The following PRUNE2 variants were observed in gnomAD, a reference collection of about 807,000 sequenced individuals.
The protein encoded by PRUNE2 is prune homolog 2 with BCH domain.
In PRUNE2, 164 loss-of-function variants were observed where a neutral mutation model predicts 252.0. That is an observed-to-expected ratio of 0.65 (90% confidence interval 0.57 to 0.74). The LOEUF (loss-of-function observed/expected upper bound fraction) is 0.74, where lower values mean the gene tolerates loss of function less well. PRUNE2 is among the 30% of genes least tolerant of loss of function. The pLI, the probability that PRUNE2 is intolerant of heterozygous loss-of-function variation, is 0.00. For missense variants in PRUNE2, 3,495 were observed against 3,711.0 expected, an observed-to-expected ratio of 0.94 and a Z score of 1.51; for synonymous variants, 1,292 against 1,350.2, an observed-to-expected ratio of 0.96 and a Z score of 0.94.
intron 4 of PRUNE2, among the ~76,000 whole-genome samples, chr9:76,831,565 G>A (rs2058678548): frequency 6.6e-6 from 1 of 151,964 alleles, no homozygotes. Flanking sequence ...GAGAGAAGCT[G>A]TTTTAGGTTC....
chr9:76,731,034 G>A (rs914026012), intron 6 of PRUNE2, among the ~76,000 whole-genome samples: 4 of 152,144 alleles, frequency 2.6e-5, no homozygotes, highest in African/African-American at 9.7e-5. Flanking sequence ...ATCTCAATAT[G>A]ATAGAGGAAA....
At position 76,710,808 on chromosome 9, in the gene PRUNE2, T is replaced by C. The variant is rs753459611; in HGVS notation, c.1466A>G (p.Glu489Gly). The change falls in exon 8 of 19, where the codon GAG becomes GGG. Residue 489 changes from glutamate to glycine, a missense_variant. Physicochemically the swap from Glu to Gly is moderately conservative, Grantham distance 98. Coordinates refer to ENST00000376718, the MANE Select transcript of PRUNE2 (RefSeq NM_015225.3). ...EEHAWSGEHG[E>G]HFDLFNFDPA... ...GTCAAAATTGAAGAGGTCGAAGTGC[T>C]CACCGTGTTCTCCAGACCATGCATG... 6.4e-7 allele frequency: 1 copy of C among 1,574,468 alleles called. No individual in the cohort carries two copies. Among genetic ancestry groups the C allele is most frequent in the East Asian group, 2.2e-5 (1 of 44,634 alleles).
chr9:76,781,933 G>A (rs890972187), intron 6 of PRUNE2, among the ~76,000 whole-genome samples: 6 of 151,924 alleles, frequency 3.9e-5, no homozygotes, highest in Admixed American at 6.6e-5. Flanking sequence ...GGGAAAGCCT[G>A]GCCGGGCGCG....
At chr9:76,665,107 C>T (rs553225098) in intron 9 of PRUNE2, among the ~76,000 whole-genome samples, 21 of 152,226 alleles carry the variant, frequency 1.4e-4, no homozygotes, top group African/African-American at 4.8e-4. Flanking sequence ...TAACTAATAT[C>T]CTTCTTCATC....
intron 6 of PRUNE2, among the ~76,000 whole-genome samples, chr9:76,755,988 C>T (rs1452648040): frequency 6.6e-6 from 1 of 152,182 alleles, no homozygotes; most frequent in Non-Finnish European, 1.5e-5. Flanking sequence ...TAGGCGTGAG[C>T]CACCGCGCCT....
intron 1 of PRUNE2, among the ~76,000 whole-genome samples, chr9:76,897,252 C>T (rs986812691): frequency 6.6e-6 from 1 of 152,008 alleles, no homozygotes. Context: ...TTTAATTTAA[C>T]AAGAATGAAA....
rs1280140952 is a variant in PRUNE2 at position 76,829,751 on chromosome 9, GT to G, written c.509-3020del. On this transcript the variant is annotated intron_variant, in intron 4 of 18. Coordinates refer to ENST00000376718, the MANE Select transcript of PRUNE2 (RefSeq NM_015225.3). Reference sequence around the variant, plus strand: ...CTTAAGCAGAGAATAGTTTTGTTTTGTTTTTTTTTTTTTAATCTGCCACTCT... The same window carrying G: ...CTTAAGCAGAGAATAGTTTTGTTTTGTTTTTTTTTTTTAATCTGCCACTCT... 4.5e-3 allele frequency among the ~76,000 whole-genome samples: 641 copies of G among 141,706 alleles called. 13 individuals carry two copies. Among genetic ancestry groups the G allele is most frequent in the Admixed American group, 0.025 (355 of 14,086 alleles). 93.0% of individuals were successfully genotyped at this position (141,706 alleles called of 152,430 possible). A position where few individuals can be genotyped will look rare whatever the true frequency, so the allele number is the denominator to read the frequency against.
At chr9:76,897,400 T>A (rs779158679) in intron 1 of PRUNE2, among the ~76,000 whole-genome samples, 7,482 of 93,568 alleles carry the variant, frequency 0.08, 667 homozygotes, top group South Asian at 0.19. Flanking sequence ...CTTTTTTTTT[T>A]TTTTTTTTTT....
chr9:76,680,228 G>A (rs2043271830), intron 9 of PRUNE2, among the ~76,000 whole-genome samples: 1 of 152,180 alleles, frequency 6.6e-6, no homozygotes, highest in African/African-American at 2.4e-5. Flanking sequence ...AAGATGATAT[G>A]CAAATGGCCA....
chr9:76,710,372 C>A lies in PRUNE2; in HGVS notation c.1902G>T (p.Met634Ile). The A allele has an allele frequency of 6.2e-7, 1 of 1,613,978 alleles. No individual in the cohort carries two copies. Among genetic ancestry groups the A allele is most frequent in the South Asian group, 1.1e-5 (1 of 91,074 alleles). ...GACCTGTGTCAGTTGCTTTTTGGGT[C>A]ATATCTTCTGTATAGAGTGAGGCTG... ...EEPASLYTED[M>I]TQKATDTGHM... The change falls in exon 8 of 19, where the codon ATG (methionine) becomes ATT (isoleucine). Residue 634 changes from methionine (M) to isoleucine (I), a missense_variant. Met to Ile is a conservative substitution (Grantham distance 10). Coordinates refer to ENST00000376718, the MANE Select transcript of PRUNE2 (RefSeq NM_015225.3).
At chr9:76,666,010 A>T (rs1162348988) in intron 9 of PRUNE2, among the ~76,000 whole-genome samples, 2 of 152,214 alleles carry the variant, frequency 1.3e-5, no homozygotes, top group Non-Finnish European at 2.9e-5. Context: ...TTCCAATATT[A>T]TAAGAATCTT....
At chr9:76,828,255 T>C (rs2058460409) in intron 4 of PRUNE2, among the ~76,000 whole-genome samples, 1 of 152,162 alleles carries the variant, frequency 6.6e-6, no homozygotes. Context: ...AAAGAGCCTG[T>C]GCAAAGGCAC....
chr9:76,850,352 T>C, intron 3 of PRUNE2, 111 bp downstream of exon 3: 1 of 836,374 alleles, frequency 1.2e-6, no homozygotes, highest in South Asian at 1.6e-5. Flanking sequence ...CAGCATGTCC[T>C]CTGCTTTTAA....
In PRUNE2 at chr9:76,839,970, A is replaced by G. The variant is rs191059155; in HGVS notation, c.508+6545T>C. The stretch of plus-strand genomic sequence containing the variant: ...AAAAGCAGGTTTGGAGGTACAAGAA[A>G]CTAAAAGGTTCTACTGCAGCCGTGT... On this transcript the variant is annotated intron_variant, in intron 4 of 18. Transcript: ENST00000376718. Among the ~76,000 whole-genome samples the G allele has an allele frequency of 2.1e-3, 313 of 152,348 alleles. 2 individuals are homozygous for G. Among genetic ancestry groups the G allele is most frequent in the African/African-American group, 7.3e-3 (304 of 41,576 alleles).
chr9:76,629,254 G>T lies in PRUNE2; in HGVS notation c.9087C>A (p.Ser3029Arg). The T allele has an allele frequency of 6.3e-7, 1 of 1,591,868 alleles. No individual in the cohort carries two copies. The highest frequency in any genetic ancestry group is 1.7e-5 in the Admixed American group (1 of 58,284). ...GGATCAGCCCACTGAGTTCTGATAA[G>T]CTATTGACATATTTAATTTTACTGC... is the stretch of plus-strand genomic sequence containing the variant. Reference protein sequence around the residue: ...KFSSKIKYVNSLSELSGLIPM... With the variant: ...KFSSKIKYVNRLSELSGLIPM... Residue 3029 changes from serine to arginine, a missense_variant, in exon 16 of 19, where the codon AGC (serine) becomes AGA (arginine). Ser to Arg is a moderately radical substitution (Grantham distance 110). Coordinates refer to ENST00000376718, the MANE Select transcript of PRUNE2 (RefSeq NM_015225.3).
At chr9:76,650,148 A>G (rs181041900) in intron 11 of PRUNE2, among the ~76,000 whole-genome samples, 1 of 152,208 alleles carries the variant, frequency 6.6e-6, no homozygotes, top group Non-Finnish European at 1.5e-5. Context: ...CAAATTACTT[A>G]ACTTCTCTGT....
chr9:76,863,486 C>T (rs1374145357), intron 1 of PRUNE2, among the ~76,000 whole-genome samples: 2 of 152,122 alleles, frequency 1.3e-5, no homozygotes, highest in African/African-American at 4.8e-5. Flanking sequence ...GATTAAACTG[C>T]TAAAATATTG....
At chr9:76,634,270 T>C (rs538911071) in intron 15 of PRUNE2, among the ~76,000 whole-genome samples, 3 of 152,248 alleles carry the variant, frequency 2.0e-5, no homozygotes, top group African/African-American at 7.2e-5. Flanking sequence ...GTTATTATCT[T>C]GAAGCTCCCT....
Position 76,826,617 on chromosome 9 carries a change from G to A in PRUNE2, c.624C>T (p.Ile208=). Residue 208 remains isoleucine, a synonymous_variant, in exon 5 of 19, where the codon ATC becomes ATT. Transcript: ENST00000376718. ...KFPNLPPRED[I]INVLQETQFS... Reference sequence around the variant, plus strand: ...ACTGGGTCTCCTGTAGGACGTTGATGATGTCCTCTCTTGGAGGCAAGTTAG... The same window carrying A: ...ACTGGGTCTCCTGTAGGACGTTGATAATGTCCTCTCTTGGAGGCAAGTTAG... 3.1e-6 allele frequency: 5 copies of A among 1,611,478 alleles called. No homozygotes were observed. The highest frequency in any genetic ancestry group is 3.4e-6 in the Non-Finnish European group (4 of 1,178,374).
Sources: allele counts gnomAD v4.1 joint callset (sites outside exome capture counted in the v4.1 genomes callset), GRCh38; gene constraint gnomAD v4.1.1; transcripts MANE v1.5; gene names NCBI Gene and HGNC (gene_info 2026-07-23, HGNC 2026-07-21).